Variants in GNB1 observed in about 807,000 individuals in gnomAD.
GNB1 encodes guanine nucleotide-binding protein G(I)/G(S)/G(T) subunit beta-1.
In GNB1, 2 loss-of-function variants were observed where a neutral mutation model predicts 42.9. The observed-to-expected ratio is 0.05, with a 90% CI of 0.02 to 0.15. The LOEUF (loss-of-function observed/expected upper bound fraction) is 0.15, where lower values mean the gene tolerates loss of function less well. Ranked by LOEUF, GNB1 falls within the 10% of genes least tolerant of loss-of-function variation. The pLI is 1.00. For missense variants in GNB1, 193 were observed against 462.2 expected, an observed-to-expected ratio of 0.42 and a Z score of 5.34; for synonymous variants, 183 against 174.7, an observed-to-expected ratio of 1.05 and a Z score of -0.38.
rs1436275711 is a variant in GNB1, at chr1:1,882,897, G to C, written c.-96+7923C>G. Among the ~76,000 whole-genome samples, 3 of 151,708 alleles carry C rather than the reference G, an allele frequency of 2.0e-5. No individual in the cohort carries two copies. In the East Asian group the frequency reaches 5.8e-4, roughly 29 times the overall value. On this transcript the variant is annotated intron_variant, in intron 1 of 11. Coordinates refer to ENST00000378609, the MANE Select transcript of GNB1 (RefSeq NM_002074.5). ...GATCATGTCACTGCACTCCAGCCTG[G>C]GTGACAGGGCAAGACTCCGTCTCAA...
At chr1:1,828,630 G>GAAA (rs1647031258) in intron 2 of GNB1, among the ~76,000 whole-genome samples, 1 of 152,040 alleles carries the variant, frequency 6.6e-6, no homozygotes, top group East Asian at 1.9e-4. Flanking sequence ...CATGCAAAGA[G>GAAA]AAAAAAACCA....
In GNB1 at chr1:1,787,433, G is replaced by A. The variant is rs1398489197; in HGVS notation, c.921C>T (p.Val307=). The A allele has an allele frequency of 3.7e-6, 6 of 1,601,528 alleles. No individual in the cohort carries two copies. Among genetic ancestry groups the A allele is most frequent in the Middle Eastern group, 3.3e-4 (2 of 6,056 alleles). Residue 307 remains valine, a synonymous_variant, in exon 11 of 12, where the codon GTC becomes GTT. Coordinates refer to ENST00000378609, the MANE Select transcript of GNB1 (RefSeq NM_002074.5). The surrounding 1 kb of genome is among the most constrained non-coding windows in gnomAD (Gnocchi z 4.4). ...WDALKADRAG[V]LAGHDNRVSC... The stretch of plus-strand genomic sequence containing the variant: ...TGACGCGGTTGTCATGCCCAGCCAA[G>A]ACACCTGGGAGCAAACAACAGCAGA...
intron 1 of GNB1, among the ~76,000 whole-genome samples, chr1:1,841,561 C>CA (rs533838799): frequency 2.7e-4 from 41 of 152,358 alleles, no homozygotes; most frequent in African/African-American, 9.1e-4. Flanking sequence ...GGAGGCTTCA[C>CA]AGGTCACCAC....
intron 2 of GNB1, among the ~76,000 whole-genome samples, chr1:1,827,615 G>A (rs10907187): frequency 0.23 from 35,486 of 152,122 alleles, 4,344 homozygotes; most frequent in Non-Finnish European, 0.26. Context: ...GTGTTAAGCA[G>A]TAAGAGTGCC....
At chr1:1,812,527 T>C (rs1295087954) in intron 5 of GNB1, among the ~76,000 whole-genome samples, 1 of 152,168 alleles carries the variant, frequency 6.6e-6, no homozygotes, top group Non-Finnish European at 1.5e-5. Flanking sequence ...TAGAAGGCTC[T>C]GAAAAGCAGA....
chr1:1,813,903 G>A (rs1646815407), intron 5 of GNB1, among the ~76,000 whole-genome samples: 2 of 152,186 alleles, frequency 1.3e-5, no homozygotes, highest in South Asian at 4.1e-4. Context: ...AATCAATCAA[G>A]CTAATCAACA....
In GNB1 at chr1:1,790,259, G is replaced by T. The variant is rs1218128316; in HGVS notation, c.699+136C>A. On this transcript the variant is annotated intron_variant, in intron 9 of 11. Coordinates refer to ENST00000378609, the MANE Select transcript of GNB1 (RefSeq NM_002074.5). The surrounding 1 kb of genome is among the most constrained non-coding windows in gnomAD (Gnocchi z 5.4). ...AGAAGTTTCCCATCGGGAGTTTTCT[G>T]TATCCCCATCTGTACATGAGGTTGT... The T allele has an allele frequency of 1.6e-6, 1 of 643,540 alleles. No homozygotes were observed. Among genetic ancestry groups the T allele is most frequent in the Non-Finnish European group, 2.8e-6 (1 of 363,540 alleles). 39.9% of individuals were successfully genotyped at this position (643,540 alleles called of 1,614,324 possible). A position where few individuals can be genotyped will look rare whatever the true frequency, so the allele number is the denominator to read the frequency against.
intron 1 of GNB1, among the ~76,000 whole-genome samples, chr1:1,864,347 C>T (rs1570733869): frequency 3.7e-5 from 4 of 107,506 alleles, no homozygotes; most frequent in Non-Finnish European, 6.5e-5. Flanking sequence ...GAAGAAAACC[C>T]CACGAAAAAA....
chr1:1,886,104 G>T (rs1269300511), intron 1 of GNB1, among the ~76,000 whole-genome samples: 2 of 151,708 alleles, frequency 1.3e-5, no homozygotes, highest in Non-Finnish European at 2.9e-5. Context: ...CGGAGGTCAG[G>T]AGTTCAAGAC....
intron 2 of GNB1, among the ~76,000 whole-genome samples, chr1:1,825,864 C>CAA (rs57374385): frequency 1.9e-5 from 2 of 106,158 alleles, no homozygotes; most frequent in Non-Finnish European, 2.0e-5. Flanking sequence ...TACTCCGTCT[C>CAA]AAAAAAAAAA....
intron 2 of GNB1, among the ~76,000 whole-genome samples, chr1:1,826,187 C>T (rs746736691): frequency 1.3e-5 from 2 of 152,082 alleles, no homozygotes; most frequent in African/African-American, 2.4e-5. Context: ...GAGGCCAAGG[C>T]GGGTGGATCA....
intron 1 of GNB1, among the ~76,000 whole-genome samples, chr1:1,867,642 AAAAT>A (rs1405353258): frequency 6.6e-6 from 1 of 152,218 alleles, no homozygotes; most frequent in Non-Finnish European, 1.5e-5. Context: ...TTTTATACTA[AAAAT>A]AATAACCCTT....
At position 1,819,238 on chromosome 1, in the gene GNB1, G is replaced by A. The variant is rs1415090051; in HGVS notation, c.58-1363C>T. 1.2e-4 allele frequency among the ~76,000 whole-genome samples: 17 copies of A among 141,448 alleles called. 1 individual carries two copies. The East Asian group carries it at 3.4e-3, about 29-fold the overall frequency. The allele number at this position is 141,448 out of a possible 152,430, so 92.8% of individuals were successfully genotyped here. ...TTAATCACAACTATTTTTTTTTTTT[G>A]AGACAGAGTCTCGCTCTGTCTTGCC... On this transcript the variant is annotated intron_variant, in intron 3 of 11. Coordinates refer to ENST00000378609, the MANE Select transcript of GNB1 (RefSeq NM_002074.5).
intron 1 of GNB1, among the ~76,000 whole-genome samples, chr1:1,847,817 T>G (rs572289201): frequency 6.6e-6 from 1 of 152,090 alleles, no homozygotes; most frequent in Non-Finnish European, 1.5e-5. Context: ...CTTCAACATG[T>G]GGATCTTAGA....
At chr1:1,851,443 T>C (rs1256572055) in intron 1 of GNB1, among the ~76,000 whole-genome samples, 3 of 147,800 alleles carry the variant, frequency 2.0e-5, no homozygotes, top group Non-Finnish European at 4.5e-5. Flanking sequence ...TAGCAGGGCA[T>C]GGTGGCACAC....
At chr1:1,858,167 T>C (rs899532008) in intron 1 of GNB1, among the ~76,000 whole-genome samples, 2 of 152,112 alleles carry the variant, frequency 1.3e-5, no homozygotes, top group African/African-American at 4.8e-5. Flanking sequence ...CATTCATGAA[T>C]ATCCCCACTG....
chr1:1,787,825 T>G lies in GNB1; in HGVS notation c.917-388A>C, dbSNP rs1217425768. 6.6e-6 allele frequency among the ~76,000 whole-genome samples: 1 copy of G among 152,074 alleles called. No homozygotes were observed. Among genetic ancestry groups the G allele is most frequent in the Non-Finnish European group, 1.5e-5 (1 of 67,994 alleles). ...GGCAGGCAGATCATGAGGTCAGGAC[T>G]TTGAGACCAGCCTGGCCAATATGGT... On this transcript the variant is annotated intron_variant, in intron 10 of 11. Coordinates refer to ENST00000378609, the MANE Select transcript of GNB1 (RefSeq NM_002074.5). The surrounding 1 kb of genome is among the most constrained non-coding windows in gnomAD (Gnocchi z 4.4).
At chr1:1,867,825 G>A (rs1330635547) in intron 1 of GNB1, among the ~76,000 whole-genome samples, 1 of 152,136 alleles carries the variant, frequency 6.6e-6, no homozygotes, top group Non-Finnish European at 1.5e-5. Flanking sequence ...CCTACAGCTG[G>A]ATTGCCAGTT....
chr1:1,795,751 T>TCAAAAAAC (rs112995941), intron 7 of GNB1, among the ~76,000 whole-genome samples: 1 of 150,764 alleles, frequency 6.6e-6, no homozygotes, highest in African/African-American at 2.4e-5. Context: ...AGACTCTGCC[T>TCAAAAAAC]CAAAAAAACA....
Sources: allele counts gnomAD v4.1 joint callset (sites outside exome capture counted in the v4.1 genomes callset), GRCh38; gene constraint gnomAD v4.1.1; non-coding constraint Gnocchi (gnomAD v3.1); transcripts MANE v1.5; gene names NCBI Gene and HGNC (gene_info 2026-07-23, HGNC 2026-07-21).